Variants in NBAS observed in about 807,000 individuals in gnomAD.
The protein encoded by NBAS is NBAS subunit of NRZ tethering complex, also known as NAG/BC035112 fusion.
In NBAS, 219 loss-of-function variants were observed where a neutral mutation model predicts 302.5. That is an observed-to-expected ratio of 0.72 (90% CI 0.65 to 0.81). The LOEUF is 0.81. Among genes scored for constraint, NBAS ranks in the 30% least tolerant of loss-of-function variants. NBAS has a pLI of 0.00. For missense variants in NBAS, 2,932 were observed against 2,841.6 expected, an observed-to-expected ratio of 1.03 and a Z score of -0.72; for synonymous variants, 1,118 against 1,021.6, an observed-to-expected ratio of 1.09 and a Z score of -1.80.
intron 35 of NBAS, among the ~76,000 whole-genome samples, chr2:15,348,401 A>C (rs1168190406): frequency 6.6e-6 from 1 of 152,190 alleles, no homozygotes; most frequent in African/African-American, 2.4e-5. Flanking sequence ...TAATAGAGTA[A>C]CATGTGCCCA....
Position 15,287,143 on chromosome 2 carries a change from C to T in NBAS, c.5068G>A (p.Ala1690Thr), listed in dbSNP as rs754649620. ...ESVYSIAISLAQRYSVSRWEV... is the reference protein window; with the variant it reads ...ESVYSIAISLTQRYSVSRWEV... ...CAGCGGGAGACACTGTAACGTTGTGCCAGAGAAATAGCAATGCTGTAGACG... is the reference window on the plus strand; with the variant it reads ...CAGCGGGAGACACTGTAACGTTGTGTCAGAGAAATAGCAATGCTGTAGACG... Residue 1690 changes from alanine (A) to threonine (T), a missense_variant, in exon 42 of 52, where the codon GCA becomes ACA. Physicochemically the swap from Ala to Thr is moderately conservative, Grantham distance 58 (BLOSUM62 0). Transcript: ENST00000281513. 1 of 1,614,014 alleles carries T rather than the reference C, an allele frequency of 6.2e-7. No individual in the cohort carries two copies. Among genetic ancestry groups the T allele is most frequent in the Non-Finnish European group, 8.5e-7 (1 of 1,179,948 alleles).
the NBAS span, among the ~76,000 whole-genome samples, chr2:15,044,926 C>A: frequency 0.36 from 54,298 of 151,954 alleles, 9,883 homozygotes; most frequent in South Asian, 0.42. Context: ...AGTACCAAAA[C>A]ATAATTGGGG....
At chr2:15,104,497 C>T in the NBAS span, among the ~76,000 whole-genome samples, 1 of 129,108 alleles carries the variant, frequency 7.7e-6, no homozygotes, top group East Asian at 2.2e-4. Flanking sequence ...TATTTATCTG[C>T]TACTTTTTTT....
Position 15,273,284 on chromosome 2 carries a change from C to T in NBAS, c.5724+2200G>A, listed in dbSNP as rs1294353851. On this transcript the variant is annotated intron_variant, in intron 44 of 51. Coordinates refer to ENST00000281513, the MANE Select transcript of NBAS (RefSeq NM_015909.4). Reference sequence around the variant, plus strand: ...TTTAAACTCCCAACTTGGATCAGTTCCTTCCCATATACAACCAGGTTCCTG... The same window carrying T: ...TTTAAACTCCCAACTTGGATCAGTTTCTTCCCATATACAACCAGGTTCCTG... 4.6e-5 allele frequency among the ~76,000 whole-genome samples: 7 copies of T among 152,196 alleles called. No individual in the cohort carries two copies. The East Asian group carries it at 1.4e-3, about 29-fold the overall frequency.
In NBAS at chr2:15,224,646, C is replaced by T. The variant is rs568046779; in HGVS notation, c.6237-5678G>A. 7.1e-4 allele frequency among the ~76,000 whole-genome samples: 108 copies of T among 152,302 alleles called. 1 individual carries two copies. Among genetic ancestry groups the T allele is most frequent in the Middle Eastern group, 3.4e-3 (1 of 294 alleles). ...GGTGACAGGAAAATAGTGGAAAAAA[C>T]AGGCTGGGGCCAAGGCAGCAGGGGC... On this transcript the variant is annotated intron_variant, in intron 47 of 51. Transcript: ENST00000281513.
Position 15,167,284 on chromosome 2 carries a change from G to A in NBAS, c.6880C>T (p.Leu2294Phe), listed in dbSNP as rs1326991206. 2 of 1,614,114 alleles carry A rather than the reference G, an allele frequency of 1.2e-6. No individual in the cohort carries two copies. The highest frequency in any genetic ancestry group is 3.3e-5 in the Admixed American group (2 of 60,010). Reference sequence around the variant, plus strand: ...TTCACCAGCAGCTTGGCATCCAGGAGCAGGGAAAGAAGTTCTTGGTCACAA... The same window carrying A: ...TTCACCAGCAGCTTGGCATCCAGGAACAGGGAAAGAAGTTCTTGGTCACAA... ...SNCDQELLSLLLDAKLLVKCV... is the reference protein window; with the variant it reads ...SNCDQELLSLFLDAKLLVKCV... Residue 2294 changes from leucine to phenylalanine, a missense_variant, in exon 52 of 52, where the codon CTC becomes TTC. Transcript: ENST00000281513.
At chr2:15,097,898 T>C in the NBAS span, among the ~76,000 whole-genome samples, 8 of 125,412 alleles carry the variant, frequency 6.4e-5, no homozygotes, top group Non-Finnish European at 8.0e-5. Flanking sequence ...ATGGTTATTA[T>C]TATATTATAT....
the NBAS span, among the ~76,000 whole-genome samples, chr2:15,136,169 T>C: frequency 6.6e-6 from 1 of 152,198 alleles, no homozygotes; most frequent in East Asian, 1.9e-4. Context: ...TTCTTGTCTC[T>C]CTATATAGCC....
the NBAS span, among the ~76,000 whole-genome samples, chr2:15,000,178 T>G: frequency 6.6e-6 from 1 of 152,212 alleles, no homozygotes; most frequent in Non-Finnish European, 1.5e-5. Context: ...GGCACCATGC[T>G]GGCTTAATCT....
chr2:15,263,217 T>C (rs1444985180), intron 44 of NBAS, among the ~76,000 whole-genome samples: 1 of 152,152 alleles, frequency 6.6e-6, no homozygotes, highest in Non-Finnish European at 1.5e-5. Flanking sequence ...TTTGGCTCAC[T>C]GCAACATCCA....
At chr2:14,995,601 ACT>A in the NBAS span, among the ~76,000 whole-genome samples, 3 of 151,626 alleles carry the variant, frequency 2.0e-5, no homozygotes, top group African/African-American at 7.3e-5. Context: ...ATCCACCCAC[ACT>A]CTGTGCTTTG....
At chr2:15,265,570 C>A (rs563131009) in intron 44 of NBAS, among the ~76,000 whole-genome samples, 1 of 152,226 alleles carries the variant, frequency 6.6e-6, no homozygotes, top group South Asian at 2.1e-4. Flanking sequence ...CCTTTGGGTT[C>A]TCACTACAGG....
the NBAS span, among the ~76,000 whole-genome samples, chr2:14,814,937 G>T: frequency 3.3e-5 from 5 of 152,280 alleles, no homozygotes; most frequent in East Asian, 7.7e-4. Context: ...GTGCTGTCTT[G>T]TGATAGAGCT....
the NBAS span, among the ~76,000 whole-genome samples, chr2:15,149,230 C>T: frequency 6.6e-6 from 1 of 152,190 alleles, no homozygotes; most frequent in Admixed American, 6.5e-5. Context: ...GTTGTCCCTG[C>T]TCCCCCACTC....
the NBAS span, among the ~76,000 whole-genome samples, chr2:15,027,049 A>G: frequency 3.8e-4 from 58 of 152,278 alleles, no homozygotes; most frequent in Non-Finnish European, 7.5e-4. Flanking sequence ...CCTGTTCATT[A>G]TCATACTTCT....
At chr2:15,079,855 G>T in the NBAS span, among the ~76,000 whole-genome samples, 21 of 152,246 alleles carry the variant, frequency 1.4e-4, no homozygotes, top group African/African-American at 5.1e-4. Flanking sequence ...AGCTCCAAAG[G>T]CCAGGCACAG....
chr2:14,810,307 G>A, the NBAS span, among the ~76,000 whole-genome samples: 103 of 152,272 alleles, frequency 6.8e-4, no homozygotes, highest in African/African-American at 2.4e-3. Context: ...CCCATGTGTT[G>A]TGGAAGGAAC....
intron 27 of NBAS, 146 bp downstream of exon 27, chr2:15,396,267 T>C (rs1675859984): frequency 4.9e-6 from 3 of 610,298 alleles, no homozygotes; most frequent in Non-Finnish European, 8.6e-6. Context: ...AGTGTATTTG[T>C]TGTTGAGAAA....
At chr2:14,892,634 G>C in the NBAS span, among the ~76,000 whole-genome samples, 1 of 151,306 alleles carries the variant, frequency 6.6e-6, no homozygotes, top group Non-Finnish European at 1.5e-5. Context: ...CTTTAACAAA[G>C]GTCTTTTCAG....
Sources: allele counts gnomAD v4.1 joint callset (sites outside exome capture counted in the v4.1 genomes callset), GRCh38; gene constraint gnomAD v4.1.1; transcripts MANE v1.5; gene names NCBI Gene and HGNC (gene_info 2026-07-23, HGNC 2026-07-21).